Variants in RPP30 observed in about 807,000 individuals in gnomAD.
The protein encoded by RPP30 is ribonuclease P/MRP subunit p30, also known as ribonuclease P protein subunit p30.
A neutral mutation model predicts 38.6 loss-of-function variants in RPP30; 36 were observed. The observed-to-expected ratio is 0.93, with a 90% CI of 0.71 to 1.23. The LOEUF is 1.23. RPP30 is among the 50% of genes most tolerant of loss of function. The probability of loss-of-function intolerance (pLI) is 0.00; values close to 1 mark genes in which losing one functional copy is unlikely to be tolerated. For synonymous variants in RPP30, 126 were observed against 112.7 expected (o/e 1.12, Z -0.75); for missense variants, 321 against 321.7 (o/e 1.00, Z 0.02).
intron 6 of RPP30, among the ~76,000 whole-genome samples, chr10:90,894,021 C>T (rs911495921): frequency 6.6e-6 from 1 of 152,172 alleles, no homozygotes; most frequent in African/African-American, 2.4e-5. Flanking sequence ...GTTTCTGTTT[C>T]TCATGAAAAA....
At chr10:90,895,606 G>T (rs1343598941) in intron 8 of RPP30, 123 bp downstream of exon 8, 11 of 606,960 alleles carry the variant, frequency 1.8e-5, no homozygotes, top group Non-Finnish European at 2.7e-5. Context: ...AACTGCATTT[G>T]CTCATTGTAA....
At chr10:90,878,556 A>G (rs1437685287) in intron 4 of RPP30, among the ~76,000 whole-genome samples, 1 of 151,586 alleles carries the variant, frequency 6.6e-6, no homozygotes, top group Non-Finnish European at 1.5e-5. Context: ...CAGTGGCATG[A>G]ACGCGGCTCA....
intron 6 of RPP30, among the ~76,000 whole-genome samples, chr10:90,888,433 G>T (rs1847030254): frequency 6.6e-6 from 1 of 152,186 alleles, no homozygotes. Context: ...ATTTAAACCA[G>T]AGTGTGAGCT....
intron 7 of RPP30, chr10:90,895,113 T>C (rs985721785): frequency 6.8e-6 from 4 of 587,392 alleles, no homozygotes; most frequent in Admixed American, 6.0e-5. Context: ...CCATATCTTT[T>C]GATAAAAATT....
In RPP30 at chr10:90,886,046, GA is replaced by G. The variant is rs1846996358; in HGVS notation, c.432+148del. ...TTTTAGAAAAGAGAATTTTCGTTTT[GA>G]AAGCTGAACAAAGGGAGAAAGAAAG... On this transcript the variant is annotated intron_variant, in intron 6 of 10. Transcript: ENST00000371703. The G allele has an allele frequency of 5.4e-6, 3 of 555,452 alleles. No individual in the cohort carries two copies. In the African/African-American group the frequency reaches 5.9e-5, roughly 11 times the overall value. The allele number at this position is 555,452 out of a possible 1,614,324, so 34.4% of individuals were successfully genotyped here.
intron 6 of RPP30, among the ~76,000 whole-genome samples, chr10:90,886,725 A>G (rs1464742549): frequency 6.6e-6 from 1 of 152,240 alleles, no homozygotes; most frequent in Non-Finnish European, 1.5e-5. Flanking sequence ...CCAAGGAGAA[A>G]AAAAAGAGTT....
chr10:90,877,149 TA>T (rs1194982381), intron 4 of RPP30, among the ~76,000 whole-genome samples: 1 of 152,104 alleles, frequency 6.6e-6, no homozygotes, highest in Admixed American at 6.5e-5. Context: ...CCATCTCTAC[TA>T]AAAACCCAAA....
intron 10 of RPP30, among the ~76,000 whole-genome samples, chr10:90,896,910 T>C (rs943428083): frequency 1.1e-4 from 16 of 152,132 alleles, no homozygotes; most frequent in Non-Finnish European, 1.6e-4. Context: ...AGACTGTACC[T>C]TTTTTATTTT....
In RPP30 at chr10:90,901,528, G is replaced by A; in HGVS notation, c.*849G>A. The A allele has an allele frequency of 1.0e-6, 1 of 985,168 alleles. No individual in the cohort carries two copies. The highest frequency in any genetic ancestry group is 1.2e-6 in the Non-Finnish European group (1 of 829,810). The allele number at this position is 985,168 out of a possible 1,614,324, so 61.0% of individuals were successfully genotyped here. The stretch of plus-strand genomic sequence containing the variant: ...CTTCACTGCTTCATGCCTACGTAAG[G>A]TCTTTGAAATAGGATTCCTTACTTT... On this transcript the variant is annotated 3_prime_UTR_variant, in exon 11 of 11. Coordinates refer to ENST00000371703, the MANE Select transcript of RPP30 (RefSeq NM_006413.5).
Position 90,900,804 on chromosome 10 carries a change from A to G in RPP30, c.*125A>G. On this transcript the variant is annotated 3_prime_UTR_variant, in exon 11 of 11. Coordinates refer to ENST00000371703, the MANE Select transcript of RPP30 (RefSeq NM_006413.5). ...GGAGCTAGAAATCAATAGTCTATAA[A>G]AACAGTTTTACTTGCAATCCATTAA... 7.1e-7 allele frequency: 1 copy of G among 1,400,064 alleles called. No homozygotes were observed. 86.7% of individuals were successfully genotyped at this position (1,400,064 alleles called of 1,614,324 possible). A position where few individuals can be genotyped will look rare whatever the true frequency, so the allele number is the denominator to read the frequency against.
chr10:90,886,595 C>T (rs1185932979), intron 6 of RPP30, among the ~76,000 whole-genome samples: 3 of 152,094 alleles, frequency 2.0e-5, no homozygotes, highest in African/African-American at 7.2e-5. Context: ...ATTTTAGTAG[C>T]AAAAGGTCAG....
At chr10:90,899,879 T>G (rs1284436421) in intron 10 of RPP30, among the ~76,000 whole-genome samples, 1 of 152,200 alleles carries the variant, frequency 6.6e-6, no homozygotes, top group Non-Finnish European at 1.5e-5. Flanking sequence ...ATACCCTCTG[T>G]ATGGACACAG....
At chr10:90,876,725 A>G (rs896804924) in intron 4 of RPP30, among the ~76,000 whole-genome samples, 4 of 152,190 alleles carry the variant, frequency 2.6e-5, no homozygotes, top group Non-Finnish European at 5.9e-5. Flanking sequence ...GGTTAAAGAT[A>G]TAAATTTGGG....
intron 5 of RPP30, among the ~76,000 whole-genome samples, chr10:90,882,998 T>C (rs1347597592): frequency 1.3e-5 from 2 of 152,150 alleles, no homozygotes; most frequent in Non-Finnish European, 2.9e-5. Context: ...AGGCCATACT[T>C]AATGAATCAA....
At chr10:90,872,348 C>T (rs1846789665) in intron 1 of RPP30, among the ~76,000 whole-genome samples, 3 of 152,214 alleles carry the variant, frequency 2.0e-5, no homozygotes, top group Admixed American at 2.0e-4. Flanking sequence ...TGATAGGTGA[C>T]AGAAGCCGGA....
intron 6 of RPP30, among the ~76,000 whole-genome samples, chr10:90,886,240 A>T (rs1293687749): frequency 6.6e-6 from 1 of 152,198 alleles, no homozygotes; most frequent in African/African-American, 2.4e-5. Context: ...GAGGAAGGGA[A>T]AAAATAAAAA....
chr10:90,882,097 G>A (rs1156497559), intron 5 of RPP30, among the ~76,000 whole-genome samples: 1 of 152,106 alleles, frequency 6.6e-6, no homozygotes, highest in Non-Finnish European at 1.5e-5. Flanking sequence ...GGACAGCTGT[G>A]GAATATGACA....
At chr10:90,874,982 G>T in intron 2 of RPP30, 58 bp downstream of exon 2, 1 of 1,110,036 alleles carries the variant, frequency 9.0e-7, no homozygotes, top group Non-Finnish European at 1.3e-6. Context: ...AATTCTGTTT[G>T]TATTGGTAAT....
intron 5 of RPP30, among the ~76,000 whole-genome samples, chr10:90,883,802 ATTAAT>A (rs1463305051): frequency 1.3e-5 from 2 of 152,248 alleles, no homozygotes; most frequent in Non-Finnish European, 1.5e-5. Context: ...ATTCACAATG[ATTAAT>A]TTAAACAGTA....
Sources: allele counts gnomAD v4.1 joint callset (sites outside exome capture counted in the v4.1 genomes callset), GRCh38; gene constraint gnomAD v4.1.1; transcripts MANE v1.5; gene names NCBI Gene and HGNC (gene_info 2026-07-23, HGNC 2026-07-21).